Variants in CELF2 observed in about 807,000 individuals in gnomAD.
CELF2 encodes CUG triplet repeat RNA-binding protein 2.
A neutral mutation model predicts 62.6 loss-of-function variants in CELF2; 8 were observed. That is an observed-to-expected ratio of 0.13 (90% confidence interval 0.07 to 0.23). The LOEUF is 0.23. Ranked by LOEUF, CELF2 falls within the 10% of genes least tolerant of loss-of-function variation. The pLI is 1.00. For synonymous variants in CELF2, 258 were observed against 250.0 expected (o/e 1.03, Z -0.30); for missense variants, 333 against 671.0 (o/e 0.50, Z 5.56).
chr10:10,497,441 G>A, the CELF2 span, among the ~76,000 whole-genome samples: 1 of 152,124 alleles, frequency 6.6e-6, no homozygotes, highest in Non-Finnish European at 1.5e-5. Context: ...AAAAAGACAT[G>A]ATTATCTGCC....
chr10:11,086,578 T>TAAAAAAAAAAAAGAAAAAA (rs2046800032), intron 1 of CELF2, among the ~76,000 whole-genome samples: 2 of 71,984 alleles, frequency 2.8e-5, no homozygotes, highest in African/African-American at 1.1e-4. Flanking sequence ...TTGCATTTGT[T>TAAAAAAAAAAAAGAAAAAA]AAAAAAAAAA....
Position 11,314,542 on chromosome 10 carries a change from A to AGTTTG in CELF2, c.1096+299_1096+303dup, listed in dbSNP as rs1317230158. On this transcript the variant is annotated intron_variant, in intron 10 of 12. Coordinates refer to ENST00000633077, the MANE Select transcript of CELF2 (RefSeq NM_001326342.2). This position sits in a 1 kb window ranked among gnomAD's most constrained non-coding sequence, Gnocchi z 5.3. ...TGGCAGCTCTTTTCAGGTTTCCAGG[A>AGTTTG]GTTTGGTTTGGTTTGGTTTCGGTCG... The AGTTTG allele has an allele frequency of 9.0e-5, 42 of 466,668 alleles. No homozygotes were observed. The highest frequency in any genetic ancestry group is 1.4e-4 in the African/African-American group (7 of 50,222). 28.9% of individuals were successfully genotyped at this position (466,668 alleles called of 1,614,324 possible).
chr10:10,558,416 G>A, the CELF2 span, among the ~76,000 whole-genome samples: 1 of 152,108 alleles, frequency 6.6e-6, no homozygotes, highest in Non-Finnish European at 1.5e-5. Flanking sequence ...GCTTTTTGAT[G>A]TGCTGCTGGA....
chr10:10,504,919 C>CT, the CELF2 span, among the ~76,000 whole-genome samples: 1 of 151,858 alleles, frequency 6.6e-6, no homozygotes. Context: ...CTGAAGCTTT[C>CT]TTTTTTTTCC....
At chr10:10,708,914 T>G in the CELF2 span, among the ~76,000 whole-genome samples, 7 of 152,112 alleles carry the variant, frequency 4.6e-5, no homozygotes, top group African/African-American at 1.7e-4. Context: ...TACATCCAAA[T>G]AGGCTAAATT....
the CELF2 span, among the ~76,000 whole-genome samples, chr10:10,662,115 G>T: frequency 6.6e-6 from 1 of 152,232 alleles, no homozygotes; most frequent in Non-Finnish European, 1.5e-5. Context: ...AGCACTGGGT[G>T]CATGGGAGCA....
intron 1 of CELF2, among the ~76,000 whole-genome samples, chr10:11,140,944 G>A (rs2061251711): frequency 6.6e-6 from 1 of 152,158 alleles, no homozygotes; most frequent in Admixed American, 6.5e-5. Flanking sequence ...TTGCGCCGGG[G>A]GTGTTGAGGC....
the CELF2 span, among the ~76,000 whole-genome samples, chr10:10,513,489 C>A: frequency 1.3e-5 from 2 of 152,118 alleles, no homozygotes; most frequent in Non-Finnish European, 2.9e-5. Flanking sequence ...TAAATATAAT[C>A]CTCCTCCTTC....
intron 2 of CELF2, among the ~76,000 whole-genome samples, chr10:11,186,296 C>CTTTTTTTTTTTTTTTTTT (rs57327671): frequency 8.7e-5 from 10 of 115,492 alleles, no homozygotes; most frequent in East Asian, 2.6e-4. Flanking sequence ...GGTTTTGTTG[C>CTTTTTTTTTTTTTTTTTT]TTTTTTTTTT....
intron 2 of CELF2, among the ~76,000 whole-genome samples, chr10:10,962,646 G>T (rs2049651904): frequency 6.6e-6 from 1 of 152,174 alleles, no homozygotes; most frequent in Non-Finnish European, 1.5e-5. Flanking sequence ...GTTGGTGTGA[G>T]CCCAGTAGTC....
intron 12 of CELF2, among the ~76,000 whole-genome samples, chr10:11,326,640 G>A (rs762018081): frequency 4.6e-5 from 7 of 152,132 alleles, no homozygotes; most frequent in Non-Finnish European, 1.0e-4. Flanking sequence ...AGAATGGACT[G>A]ATGTTTTACA....
intron 5 of CELF2, among the ~76,000 whole-genome samples, chr10:11,265,971 T>C (rs1003670552): frequency 6.6e-6 from 1 of 152,264 alleles, no homozygotes; most frequent in African/African-American, 2.4e-5. Context: ...GCATTTGTTT[T>C]TATTAAAATT....
the CELF2 span, among the ~76,000 whole-genome samples, chr10:10,768,657 T>G: frequency 6.6e-6 from 1 of 151,624 alleles, no homozygotes; most frequent in African/African-American, 2.4e-5. Flanking sequence ...CACTGCAACT[T>G]CTGCCTGCTG....
At chr10:10,745,340 C>T in the CELF2 span, among the ~76,000 whole-genome samples, 1 of 152,114 alleles carries the variant, frequency 6.6e-6, no homozygotes, top group Non-Finnish European at 1.5e-5. Flanking sequence ...TTTCATTACT[C>T]GTATCTCCTT....
chr10:10,472,833 C>T, the CELF2 span, among the ~76,000 whole-genome samples: 1 of 151,884 alleles, frequency 6.6e-6, no homozygotes, highest in Non-Finnish European at 1.5e-5. Flanking sequence ...ATTAGTCTGG[C>T]CTCCTGGAGG....
chr10:10,695,296 G>A, the CELF2 span, among the ~76,000 whole-genome samples: 18 of 144,582 alleles, frequency 1.2e-4, no homozygotes, highest in African/African-American at 4.0e-4. Flanking sequence ...GAAATTCTGG[G>A]TTGAAAATTC....
the CELF2 span, among the ~76,000 whole-genome samples, chr10:10,543,652 G>A: frequency 2.0e-5 from 3 of 152,142 alleles, no homozygotes; most frequent in African/African-American, 7.2e-5. Flanking sequence ...TTTGAGACCA[G>A]CCTGGGCAAC....
chr10:11,155,836 C>T (rs775292424), intron 1 of CELF2, among the ~76,000 whole-genome samples: 1 of 152,218 alleles, frequency 6.6e-6, no homozygotes, highest in Non-Finnish European at 1.5e-5. Context: ...TGCTGGCTGC[C>T]TTCCTTAGCC....
intron 1 of CELF2, among the ~76,000 whole-genome samples, chr10:11,111,762 A>G (rs2055231585): frequency 6.6e-6 from 1 of 152,246 alleles, no homozygotes; most frequent in Admixed American, 6.5e-5. Flanking sequence ...TTCACGTTGG[A>G]TACGCCGAAA....
Sources: gnomAD v4.1 joint callset for allele counts (sites outside exome capture counted in the v4.1 genomes callset) on GRCh38, gnomAD v4.1.1 for gene constraint, Gnocchi (gnomAD v3.1) non-coding constraint, MANE v1.5 for transcripts, NCBI Gene and HGNC (gene_info 2026-07-23, HGNC 2026-07-21) for gene names.